The following DMRTA1 variants were observed in gnomAD, a reference collection of about 807,000 sequenced individuals.
The protein encoded by DMRTA1 is doublesex- and mab-3-related transcription factor A1.
Under a neutral mutation model 35.2 loss-of-function variants are expected in DMRTA1, and 34 were observed. The observed-to-expected ratio is 0.97, with a 90% CI of 0.74 to 1.29. DMRTA1 has a LOEUF of 1.29. Ranked by LOEUF, DMRTA1 falls within the 50% of genes most tolerant of loss-of-function variation. The pLI is 0.00. For missense variants in DMRTA1, 824 were observed against 644.6 expected (o/e 1.28, Z -3.01); for synonymous variants, 344 against 276.6 (o/e 1.24, Z -2.42).
rs1486131102 is a variant in DMRTA1, at chr9:22,453,943, T to G, written c.*2032T>G. 1 of 152,116 alleles carries G rather than the reference T, an allele frequency of 6.6e-6. No individual in the cohort carries two copies. 9.4% of individuals were successfully genotyped at this position (152,116 alleles called of 1,614,324 possible). ...AAAAAATCCTAGAGTTACTGCATTA[T>G]GTATGTGGTTTTATAATGATGTGCT... On this transcript the variant is annotated 3_prime_UTR_variant, in exon 2 of 2. Coordinates refer to ENST00000325870, the MANE Select transcript of DMRTA1 (RefSeq NM_022160.3).
Position 22,453,269 on chromosome 9 carries a change from A to T in DMRTA1, c.*1358A>T, listed in dbSNP as rs970635513. ...ACTAAAGATTTTTTAAATTATATGT[A>T]TATACGTATGTGTGTATGCATCTAT... On this transcript the variant is annotated 3_prime_UTR_variant, in exon 2 of 2. Coordinates refer to ENST00000325870, the MANE Select transcript of DMRTA1 (RefSeq NM_022160.3). 6.6e-6 allele frequency: 1 copy of T among 152,112 alleles called. No homozygotes were observed. Among genetic ancestry groups the T allele is most frequent in the African/African-American group, 2.4e-5 (1 of 41,448 alleles). 9.4% of individuals were successfully genotyped at this position (152,112 alleles called of 1,614,324 possible).
intron 1 of DMRTA1, among the ~76,000 whole-genome samples, chr9:22,448,774 G>GT (rs1406280415): frequency 1.3e-5 from 2 of 152,152 alleles, no homozygotes; most frequent in Admixed American, 1.3e-4. Flanking sequence ...TACTCACACA[G>GT]TACATTCGAA....
At chr9:22,449,755 C>CTT (rs1818898318) in intron 1 of DMRTA1, among the ~76,000 whole-genome samples, 1 of 151,930 alleles carries the variant, frequency 6.6e-6, no homozygotes, top group African/African-American at 2.4e-5. Flanking sequence ...ATGGGAACAG[C>CTT]ATATAGGAAC....
At chr9:22,450,101 AG>A (rs1174292639) in intron 1 of DMRTA1, among the ~76,000 whole-genome samples, 1 of 152,124 alleles carries the variant, frequency 6.6e-6, no homozygotes, top group African/African-American at 2.4e-5. Flanking sequence ...AACCTAGTAA[AG>A]GGTATTAACA....
rs1818975343 is a variant in DMRTA1 at position 22,454,296 on chromosome 9, A to G, written c.*2385A>G. ...GGAAGGATTCATGTCTGTTTTTTTC[A>G]TTCATGGCCTTGAACAGTGTCTGAT... On this transcript the variant is annotated 3_prime_UTR_variant, in exon 2 of 2. Coordinates refer to ENST00000325870, the MANE Select transcript of DMRTA1 (RefSeq NM_022160.3). 6.6e-6 allele frequency: 1 copy of G among 151,944 alleles called. No homozygotes were observed. Among genetic ancestry groups the G allele is most frequent in the African/African-American group, 2.4e-5 (1 of 41,388 alleles). 9.4% of individuals were successfully genotyped at this position (151,944 alleles called of 1,614,324 possible). A position where few individuals can be genotyped will look rare whatever the true frequency, so the allele number is the denominator to read the frequency against.
Position 22,453,754 on chromosome 9 carries a change from G to A in DMRTA1, c.*1843G>A, listed in dbSNP as rs1161172585. The stretch of plus-strand genomic sequence containing the variant: ...ACTGGGTTCTTGAATCTCCTAAATG[G>A]TATTCAGGTTAGATTCCTTGGTGAT... On this transcript the variant is annotated 3_prime_UTR_variant, in exon 2 of 2. Coordinates refer to ENST00000325870, the MANE Select transcript of DMRTA1 (RefSeq NM_022160.3). 6 of 151,940 alleles carry A rather than the reference G, an allele frequency of 3.9e-5. No homozygotes were observed. The highest frequency in any genetic ancestry group is 1.4e-4 in the African/African-American group (6 of 41,396). 9.4% of individuals were successfully genotyped at this position (151,940 alleles called of 1,614,324 possible).
In DMRTA1 at chr9:22,447,182, G is replaced by T. The variant is rs757218772; in HGVS notation, c.117G>T (p.Ser39=). 1 of 1,598,084 alleles carries T rather than the reference G, an allele frequency of 6.3e-7. No individual in the cohort carries two copies. Among genetic ancestry groups the T allele is most frequent in the Non-Finnish European group, 8.5e-7 (1 of 1,174,126 alleles). Reference sequence around the variant, plus strand: ...CGTCCCCGGCGTTGCCGGTACCATCGGGGATGCAGGTTCCCCCAGCGTTCC... The same window carrying T: ...CGTCCCCGGCGTTGCCGGTACCATCTGGGATGCAGGTTCCCCCAGCGTTCC... ...PPPSPALPVP[S]GMQVPPAFLR... The change falls in exon 1 of 2, where the codon TCG becomes TCT. Residue 39 remains serine, a synonymous_variant. Transcript: ENST00000325870.
At position 22,451,680 on chromosome 9, in the gene DMRTA1, A is replaced by G; in HGVS notation, c.1284A>G (p.Val428=). 6.2e-7 allele frequency: 1 copy of G among 1,614,130 alleles called. No individual in the cohort carries two copies. Among genetic ancestry groups the G allele is most frequent in the Non-Finnish European group, 8.5e-7 (1 of 1,179,956 alleles). ...SYGGDSSLYG[V]NPRVGISPLR... ...GAGGTGATTCAAGTCTCTACGGCGT[A>G]AATCCTAGAGTAGGTATCAGTCCAT... The change falls in exon 2 of 2, where the codon GTA becomes GTG. Residue 428 remains valine (V), a synonymous_variant. Transcript: ENST00000325870.
At position 22,446,917 on chromosome 9, in the gene DMRTA1, G is replaced by C. The variant is rs1818836841; in HGVS notation, c.-149G>C. ...ACGCGGTCGTCCCAACTCCTTCCGAGTGGAAAGAGTGTAAAACTTTTGTCC... is the reference window on the plus strand; with the variant it reads ...ACGCGGTCGTCCCAACTCCTTCCGACTGGAAAGAGTGTAAAACTTTTGTCC... On this transcript the variant is annotated 5_prime_UTR_variant, in exon 1 of 2. Coordinates refer to ENST00000325870, the MANE Select transcript of DMRTA1 (RefSeq NM_022160.3). 1.0e-6 allele frequency: 1 copy of C among 985,608 alleles called. No individual in the cohort carries two copies. 61.1% of individuals were successfully genotyped at this position (985,608 alleles called of 1,614,324 possible).
Position 22,453,324 on chromosome 9 carries a change from C to T in DMRTA1, c.*1413C>T, listed in dbSNP as rs748528054. ...ACATATATAAGTCTATGTAGACATA[C>T]ATTAAACCCCTATAGGTTATATTAT... On this transcript the variant is annotated 3_prime_UTR_variant, in exon 2 of 2. Transcript: ENST00000325870. The T allele has an allele frequency of 5.2e-4, 79 of 152,176 alleles. No individual in the cohort carries two copies. The highest frequency in any genetic ancestry group is 3.4e-3 in the Middle Eastern group (1 of 294). 9.4% of individuals were successfully genotyped at this position (152,176 alleles called of 1,614,324 possible). A position where few individuals can be genotyped will look rare whatever the true frequency, so the allele number is the denominator to read the frequency against.
Position 22,447,547 on chromosome 9 carries a change from G to A in DMRTA1, c.482G>A (p.Cys161Tyr). 6.3e-7 allele frequency: 1 copy of A among 1,589,264 alleles called. No individual in the cohort carries two copies. Among genetic ancestry groups the A allele is most frequent in the Non-Finnish European group, 8.6e-7 (1 of 1,168,356 alleles). Residue 161 changes from cysteine to tyrosine, a missense_variant, in exon 1 of 2, where the codon TGC becomes TAC. Transcript: ENST00000325870. The stretch of plus-strand genomic sequence containing the variant: ...GCCCGGGGGCTACAGAGGCTCCTGT[G>A]CTCGGGGCTCTCCTGGCCCCCCGGT... ...SEARGLQRLLCSGLSWPPGGR... is the reference protein window; with the variant it reads ...SEARGLQRLLYSGLSWPPGGR...
Position 22,447,245 on chromosome 9 carries a change from GGCCGCCGCCGCCGCT to G in DMRTA1, c.187_201del (p.Ala63_Ala67del). On this transcript the variant is annotated inframe_deletion, in exon 1 of 2. Transcript: ENST00000325870. ...GCCTCTTTCTGCGAGCAGCGGCCGC[GGCCGCCGCCGCCGCT>G]GCCGCCACCTCGGGAAGCGGAGGCT... is the stretch of plus-strand genomic sequence containing the variant. The G allele has an allele frequency of 6.6e-7, 1 of 1,505,358 alleles. No homozygotes were observed. The highest frequency in any genetic ancestry group is 8.8e-7 in the Non-Finnish European group (1 of 1,134,746). The allele number at this position is 1,505,358 out of a possible 1,614,324, so 93.3% of individuals were successfully genotyped here.
In DMRTA1 at chr9:22,451,181, G is replaced by A. The variant is rs753740634; in HGVS notation, c.785G>A (p.Ser262Asn). ...TCTAATGGTGTCATTGGGAAACAAA[G>A]TATCGGGTCATCTATTTCAGAATAC... is the stretch of plus-strand genomic sequence containing the variant. ...SRSNGVIGKQ[S>N]IGSSISEYSN... The change falls in exon 2 of 2, where the codon AGT (serine) becomes AAT (asparagine). Residue 262 changes from serine (S) to asparagine (N), a missense_variant. Physicochemically the swap from Ser to Asn is conservative, Grantham distance 46. Coordinates refer to ENST00000325870, the MANE Select transcript of DMRTA1 (RefSeq NM_022160.3). 3 of 1,614,094 alleles carry A rather than the reference G, an allele frequency of 1.9e-6. No homozygotes were observed. The highest frequency in any genetic ancestry group is 1.1e-5 in the South Asian group (1 of 91,088).
chr9:22,449,525 A>G (rs1312748491), intron 1 of DMRTA1, among the ~76,000 whole-genome samples: 1 of 152,132 alleles, frequency 6.6e-6, no homozygotes, highest in Non-Finnish European at 1.5e-5. Context: ...TTATTTTATG[A>G]TTTCATGCAT....
Position 22,447,456 on chromosome 9 carries a change from G to T in DMRTA1, c.391G>T (p.Glu131Ter), listed in dbSNP as rs1198757488. The change falls in exon 1 of 2, where the codon GAG becomes TAG. Residue 131 changes from glutamate to a stop codon, truncating the protein, a stop_gained. Coordinates refer to ENST00000325870, the MANE Select transcript of DMRTA1 (RefSeq NM_022160.3). LOFTEE classifies it high-confidence loss of function. Reference sequence around the variant, plus strand: ...GTGTGCCAAGTGCACCCTGATCGCCGAGCGCCAGCGCGTCATGGCCGCCCA... The same window carrying T: ...GTGTGCCAAGTGCACCCTGATCGCCTAGCGCCAGCGCGTCATGGCCGCCCA... ...CACAKCTLIAERQRVMAAQVA... is the reference protein window; with the variant it reads ...CACAKCTLIA 1 of 1,553,400 alleles carries T rather than the reference G, an allele frequency of 6.4e-7. No individual in the cohort carries two copies.
rs1587669819 is a variant in DMRTA1 at position 22,451,406 on chromosome 9, T to G, written c.1010T>G (p.Phe337Cys). ...RDPLDILTKI[F>C]PNYRRSRLEG... ...CCTCTTGATATCCTTACTAAGATTT[T>G]CCCAAATTACAGGCGCAGCCGGCTA... is the stretch of plus-strand genomic sequence containing the variant. Residue 337 changes from phenylalanine to cysteine, a missense_variant, in exon 2 of 2, where the codon TTC becomes TGC. Coordinates refer to ENST00000325870, the MANE Select transcript of DMRTA1 (RefSeq NM_022160.3). 2.5e-6 allele frequency: 4 copies of G among 1,614,130 alleles called. No individual in the cohort carries two copies. The East Asian group carries it at 8.9e-5, about 36-fold the overall frequency.
In DMRTA1 at chr9:22,447,414, C is replaced by T. The variant is rs752276044; in HGVS notation, c.349C>T (p.Arg117Cys). ...GCTCAAGGGCCACAAGCGCTTCTGC[C>T]GCTGGCGGGACTGCGCGTGTGCCAA... ...SALKGHKRFC[R>C]WRDCACAKCT... is the part of the protein sequence containing the mutation. The change falls in exon 1 of 2, where the codon CGC becomes TGC. Residue 117 changes from arginine to cysteine, a missense_variant. Physicochemically the swap from Arg to Cys is radical, Grantham distance 180. Transcript: ENST00000325870. 5 of 1,553,326 alleles carry T rather than the reference C, an allele frequency of 3.2e-6. No individual in the cohort carries two copies. The highest frequency in any genetic ancestry group is 3.5e-6 in the Non-Finnish European group (4 of 1,150,686).
In DMRTA1 at chr9:22,451,179, A is replaced by G. The variant is rs1433171534; in HGVS notation, c.783A>G (p.Gln261=). Residue 261 remains glutamine (Q), a synonymous_variant, in exon 2 of 2, where the codon CAA becomes CAG. Transcript: ENST00000325870. ...GGTCTAATGGTGTCATTGGGAAACA[A>G]AGTATCGGGTCATCTATTTCAGAAT... ...SSRSNGVIGK[Q]SIGSSISEYS... is the part of the protein sequence containing the mutation. 4 of 1,613,972 alleles carry G rather than the reference A, an allele frequency of 2.5e-6. No homozygotes were observed. The highest frequency in any genetic ancestry group is 3.4e-6 in the Non-Finnish European group (4 of 1,179,982).
chr9:22,450,395 CT>C (rs80205831), intron 1 of DMRTA1, among the ~76,000 whole-genome samples: 17,813 of 152,084 alleles, frequency 0.12, 1,285 homozygotes, highest in Admixed American at 0.19. Flanking sequence ...AAAATACCGT[CT>C]GTGTCATCTC....
Sources: gnomAD v4.1 joint callset for allele counts (sites outside exome capture counted in the v4.1 genomes callset) on GRCh38, gnomAD v4.1.1 for gene constraint, MANE v1.5 for transcripts, NCBI Gene and HGNC (gene_info 2026-07-23, HGNC 2026-07-21) for gene names.